The following CRY1 variants were observed in gnomAD, a reference collection of about 807,000 sequenced individuals.
CRY1 encodes the protein cryptochrome circadian regulator 1.
Under a neutral mutation model 76.0 loss-of-function variants are expected in CRY1, and 45 were observed. The ratio of observed to expected loss-of-function variants is 0.59; its 90% CI spans 0.47 to 0.76. The LOEUF is 0.76. Ranked by LOEUF, CRY1 falls within the 30% of genes least tolerant of loss-of-function variation. The pLI, the probability that CRY1 is intolerant of heterozygous loss-of-function variation, is 0.00. For synonymous variants in CRY1, 248 were observed against 244.0 expected (o/e 1.02, Z -0.15); for missense variants, 587 against 716.4 (o/e 0.82, Z 2.06).
intron 1 of CRY1, among the ~76,000 whole-genome samples, chr12:107,082,405 A>G (rs188375282): frequency 7.2e-5 from 11 of 152,242 alleles, no homozygotes; most frequent in African/African-American, 2.6e-4. Context: ...TTCTTCTCAC[A>G]CCACATAGCA....
intron 1 of CRY1, among the ~76,000 whole-genome samples, chr12:107,047,819 T>C (rs1952867777): frequency 6.6e-6 from 1 of 151,924 alleles, no homozygotes; most frequent in South Asian, 2.1e-4. Flanking sequence ...GTAGGAAGAT[T>C]TCAAATAAAC....
At position 106,997,993 on chromosome 12, in the gene CRY1, G is replaced by T; in HGVS notation, c.1211C>A (p.Ser404Tyr). 2 of 1,614,048 alleles carry T rather than the reference G, an allele frequency of 1.2e-6. No homozygotes were observed. Among genetic ancestry groups the T allele is most frequent in the Non-Finnish European group, 1.7e-6 (2 of 1,179,982 alleles). Residue 404 changes from serine (S) to tyrosine (Y), a missense_variant, in exon 8 of 13, where the codon TCC becomes TAC. Coordinates refer to ENST00000008527, the MANE Select transcript of CRY1 (RefSeq NM_004075.5). Reference protein sequence around the residue: ...AGSWMWLSCSSFFQQFFHCYC... With the variant: ...AGSWMWLSCSYFFQQFFHCYC... The stretch of plus-strand genomic sequence containing the variant: ...GCAGTGAAAAAACTGTTGAAAAAAG[G>T]AACTACAAGACAGCCACATCCAACT...
chr12:106,999,649 G>A lies in CRY1; in HGVS notation c.1039C>T (p.Leu347Phe). The change falls in exon 7 of 13, where the codon CTT (leucine) becomes TTT (phenylalanine). Residue 347 changes from leucine (L) to phenylalanine (F), a missense_variant. Coordinates refer to ENST00000008527, the MANE Select transcript of CRY1 (RefSeq NM_004075.5). ...FPWIDAIMTQ[L>F]RQEGWIHHLA... ...TGATGAATCCAACCCTCCTGACGAA[G>A]CTGTGTCATGATGGCATCAATCCAT... The A allele has an allele frequency of 6.2e-7, 1 of 1,614,242 alleles. No individual in the cohort carries two copies. Among genetic ancestry groups the A allele is most frequent in the Non-Finnish European group, 8.5e-7 (1 of 1,180,040 alleles).
At chr12:107,056,883 T>G (rs1247349548) in intron 1 of CRY1, among the ~76,000 whole-genome samples, 3 of 152,054 alleles carry the variant, frequency 2.0e-5, no homozygotes, top group Non-Finnish European at 4.4e-5. Context: ...CCCAGAAACC[T>G]AAAATTCTAT....
intron 10 of CRY1, among the ~76,000 whole-genome samples, chr12:106,993,408 T>C (rs762182768): frequency 4.0e-5 from 6 of 151,644 alleles, no homozygotes; most frequent in Non-Finnish European, 8.8e-5. Flanking sequence ...TCCAAACATA[T>C]TTCCTTGAGG....
At chr12:107,066,127 G>A (rs1391692465) in intron 1 of CRY1, among the ~76,000 whole-genome samples, 1 of 152,166 alleles carries the variant, frequency 6.6e-6, no homozygotes, top group Non-Finnish European at 1.5e-5. Context: ...ACCCTCCTTT[G>A]TGTGTGTGCA....
At chr12:107,004,427 G>A (rs1482475768) in intron 3 of CRY1, among the ~76,000 whole-genome samples, 6 of 152,094 alleles carry the variant, frequency 3.9e-5, no homozygotes, top group Non-Finnish European at 8.8e-5. Context: ...TAAGATTTCA[G>A]TACTTAAAAG....
chr12:107,022,338 A>T (rs1352430929), intron 1 of CRY1, 146 bp from the exon 2 acceptor site: 1 of 376,332 alleles, frequency 2.7e-6, no homozygotes, highest in Non-Finnish European at 4.8e-6. Context: ...TCCAAAAACC[A>T]TACTAATATA....
intron 2 of CRY1, among the ~76,000 whole-genome samples, chr12:107,010,748 T>C (rs1952435902): frequency 6.6e-6 from 1 of 152,100 alleles, no homozygotes; most frequent in Non-Finnish European, 1.5e-5. Context: ...CCAGCTTTTA[T>C]CAGAGATCTC....
intron 1 of CRY1, among the ~76,000 whole-genome samples, chr12:107,024,499 C>G (rs1295295686): frequency 6.6e-6 from 1 of 151,868 alleles, no homozygotes; most frequent in Non-Finnish European, 1.5e-5. Flanking sequence ...ACCTAAGCCT[C>G]TAGAGTGACT....
intron 1 of CRY1, among the ~76,000 whole-genome samples, chr12:107,069,560 AATAT>A (rs1165469125): frequency 7.7e-6 from 1 of 130,112 alleles, no homozygotes; most frequent in Non-Finnish European, 1.6e-5. Context: ...GTATATATAT[AATAT>A]ATATATAAAG....
chr12:107,049,676 A>C (rs10746079), intron 1 of CRY1: 105,606 of 152,068 alleles, frequency 0.69, 37,498 homozygotes, highest in East Asian at 0.97. Context: ...TCGTGTCCAG[A>C]CAAATTCTTA....
intron 1 of CRY1, among the ~76,000 whole-genome samples, chr12:107,078,247 A>G: frequency 6.6e-6 from 1 of 152,116 alleles, no homozygotes; most frequent in East Asian, 1.9e-4. Context: ...CATATCCCTT[A>G]ATCAGAATCA....
chr12:107,038,540 G>A (rs1404805208), intron 1 of CRY1, among the ~76,000 whole-genome samples: 2 of 152,204 alleles, frequency 1.3e-5, no homozygotes, highest in African/African-American at 4.8e-5. Flanking sequence ...AAAGATAGAA[G>A]ACAGAAGCAA....
intron 2 of CRY1, among the ~76,000 whole-genome samples, chr12:107,011,486 C>T (rs575164902): frequency 2.0e-5 from 3 of 152,118 alleles, no homozygotes; most frequent in South Asian, 4.1e-4. Context: ...CCAATGAACA[C>T]ATGAATCATA....
At chr12:107,036,582 G>C (rs1459804940) in intron 1 of CRY1, among the ~76,000 whole-genome samples, 1 of 145,982 alleles carries the variant, frequency 6.9e-6, no homozygotes, top group African/African-American at 2.7e-5. Flanking sequence ...TTTAAAGTTG[G>C]TGGTTTTTTT....
rs1234069333 is a variant in CRY1 at position 106,991,695 on chromosome 12, T to C, written c.*307A>G. On this transcript the variant is annotated 3_prime_UTR_variant, in exon 13 of 13. Coordinates refer to ENST00000008527, the MANE Select transcript of CRY1 (RefSeq NM_004075.5). ...AAACTTTGAGTTTTATATCAGAATA[T>C]CAATTTGTCATTTTAACTTTACCAT... is the stretch of plus-strand genomic sequence containing the variant. 1 of 152,632 alleles carries C rather than the reference T, an allele frequency of 6.6e-6. No homozygotes were observed. The highest frequency in any genetic ancestry group is 1.5e-5 in the Non-Finnish European group (1 of 68,006). The allele number at this position is 152,632 out of a possible 1,614,324, so 9.5% of individuals were successfully genotyped here.
At chr12:107,087,013 A>G (rs888448417) in intron 1 of CRY1, among the ~76,000 whole-genome samples, 4 of 152,026 alleles carry the variant, frequency 2.6e-5, no homozygotes, top group Admixed American at 1.3e-4. Flanking sequence ...AGAAAGAAAG[A>G]AAAAGAAAGA....
At chr12:107,052,251 C>G (rs566191232) in intron 1 of CRY1, among the ~76,000 whole-genome samples, 1 of 152,248 alleles carries the variant, frequency 6.6e-6, no homozygotes, top group Non-Finnish European at 1.5e-5. Flanking sequence ...CAGCCTTTTA[C>G]TATAGAGAAT....
Sources: allele counts gnomAD v4.1 joint callset (sites outside exome capture counted in the v4.1 genomes callset), GRCh38; gene constraint gnomAD v4.1.1; transcripts MANE v1.5; gene names NCBI Gene and HGNC (gene_info 2026-07-23, HGNC 2026-07-21).